ARMH3: variants seen among roughly 807,000 people sequenced by gnomAD.
ARMH3 encodes the protein armadillo like helical domain containing 3.
ARMH3 carries 60 observed loss-of-function variants against 99.1 expected under a neutral mutation model. The ratio of observed to expected loss-of-function variants is 0.61; its 90% CI spans 0.49 to 0.75. ARMH3 has a LOEUF of 0.75. ARMH3 is among the 30% of genes least tolerant of loss of function. The pLI, the probability that ARMH3 is intolerant of heterozygous loss-of-function variation, is 0.00. For synonymous variants in ARMH3, 285 were observed against 292.8 expected (o/e 0.97, Z 0.27); for missense variants, 679 against 843.1 (o/e 0.81, Z 2.41).
chr10:102,008,915 C>G (rs1215556305), intron 13 of ARMH3, among the ~76,000 whole-genome samples: 2 of 152,102 alleles, frequency 1.3e-5, no homozygotes, highest in Non-Finnish European at 2.9e-5. Flanking sequence ...ACCACGTTAT[C>G]TGTTAACAGC....
chr10:101,875,732 C>A (rs1182830906), intron 24 of ARMH3, among the ~76,000 whole-genome samples: 1 of 152,148 alleles, frequency 6.6e-6, no homozygotes, highest in Non-Finnish European at 1.5e-5. Context: ...AGTGAGAGGC[C>A]ATCAGTTGGT....
intron 9 of ARMH3, among the ~76,000 whole-genome samples, chr10:102,013,179 G>T (rs2066670230): frequency 6.6e-6 from 1 of 152,174 alleles, no homozygotes; most frequent in Non-Finnish European, 1.5e-5. Flanking sequence ...TGAAAGAGAA[G>T]ATCCAGTTAG....
At chr10:101,950,949 G>C (rs1844755613) in intron 22 of ARMH3, among the ~76,000 whole-genome samples, 1 of 152,006 alleles carries the variant, frequency 6.6e-6, no homozygotes, top group African/African-American at 2.4e-5. Context: ...TTATAAGGTA[G>C]GTGAATTATA....
chr10:102,053,033 A>C (rs1011629564), intron 1 of ARMH3, among the ~76,000 whole-genome samples: 13 of 152,098 alleles, frequency 8.5e-5, no homozygotes, highest in Non-Finnish European at 1.5e-5. Context: ...TCTTCCTAAG[A>C]AGTTGAATCA....
intron 1 of ARMH3, among the ~76,000 whole-genome samples, chr10:102,048,057 A>G (rs1262662230): frequency 6.6e-6 from 1 of 152,214 alleles, no homozygotes; most frequent in Non-Finnish European, 1.5e-5. Context: ...TCTGATGACC[A>G]TTAAAGTTTG....
intron 15 of ARMH3, among the ~76,000 whole-genome samples, chr10:101,998,682 A>C (rs2066275394): frequency 6.6e-6 from 1 of 152,074 alleles, no homozygotes. Flanking sequence ...TCTCACTCTA[A>C]AAGTCTCCGA....
intron 20 of ARMH3, among the ~76,000 whole-genome samples, chr10:101,960,507 C>T (rs1029245222): frequency 5.9e-5 from 9 of 152,124 alleles, no homozygotes; most frequent in African/African-American, 2.2e-4. Flanking sequence ...AAGAAAACTC[C>T]ATGCCCCATT....
At chr10:102,033,369 T>C (rs756160840) in intron 2 of ARMH3, 30 bp from the exon 3 acceptor site, 3 of 1,604,114 alleles carry the variant, frequency 1.9e-6, no homozygotes, top group Non-Finnish European at 2.6e-6. Context: ...ACATTCAGCC[T>C]TCCCAGCTAA....
chr10:101,869,025 T>C (rs904891834), intron 24 of ARMH3, among the ~76,000 whole-genome samples: 1 of 151,564 alleles, frequency 6.6e-6, no homozygotes, highest in Admixed American at 6.6e-5. Flanking sequence ...TGAGCCAAAA[T>C]TGTGCCACTG....
rs557458879 is a variant in ARMH3, at chr10:101,943,680, T to A, written c.1706-3742A>T. 2.6e-5 allele frequency among the ~76,000 whole-genome samples: 4 copies of A among 151,564 alleles called. No individual in the cohort carries two copies. In the East Asian group the frequency reaches 7.8e-4, roughly 30 times the overall value. ...ATATGAACCATAAGAAACAAAAAAATATACGAAGCATAAGCAGAGGGAAAA... is the reference window on the plus strand; with the variant it reads ...ATATGAACCATAAGAAACAAAAAAAAATACGAAGCATAAGCAGAGGGAAAA... On this transcript the variant is annotated intron_variant, in intron 22 of 25. Transcript: ENST00000370033.
intron 20 of ARMH3, among the ~76,000 whole-genome samples, chr10:101,966,214 T>C (rs1197658459): frequency 6.7e-6 from 1 of 150,054 alleles, no homozygotes; most frequent in Non-Finnish European, 1.5e-5. Flanking sequence ...CAAGCGATTC[T>C]TGTGCCTTAG....
intron 20 of ARMH3, among the ~76,000 whole-genome samples, chr10:101,964,034 G>A (rs759458235): frequency 3.0e-4 from 46 of 151,836 alleles, no homozygotes; most frequent in Admixed American, 2.8e-3. Flanking sequence ...CCGCCACCAC[G>A]CCTGGCTAAT....
At chr10:101,958,106 C>CA (rs1220378720) in intron 20 of ARMH3, among the ~76,000 whole-genome samples, 1 of 152,264 alleles carries the variant, frequency 6.6e-6, no homozygotes, top group Non-Finnish European at 1.5e-5. Flanking sequence ...CTTCCACCCT[C>CA]AGCTGCTAGC....
At chr10:102,023,233 T>C (rs974040886) in intron 8 of ARMH3, among the ~76,000 whole-genome samples, 7 of 151,844 alleles carry the variant, frequency 4.6e-5, no homozygotes, top group East Asian at 1.9e-4. Context: ...TAAGCTGGTA[T>C]GGGAATCACT....
intron 8 of ARMH3, among the ~76,000 whole-genome samples, chr10:102,020,808 A>G (rs992367640): frequency 6.6e-6 from 1 of 150,392 alleles, no homozygotes; most frequent in Non-Finnish European, 1.5e-5. Context: ...AGATCGCACC[A>G]CTGCACTACA....
chr10:101,933,327 A>G (rs1377364443), intron 23 of ARMH3, among the ~76,000 whole-genome samples: 1 of 152,244 alleles, frequency 6.6e-6, no homozygotes, highest in African/African-American at 2.4e-5. Context: ...TGCTAAAGTC[A>G]CACTCATCTA....
intron 22 of ARMH3, 117 bp from the exon 23 acceptor site, chr10:101,940,055 A>G: frequency 1.4e-6 from 1 of 704,866 alleles, no homozygotes; most frequent in South Asian, 2.0e-5. Context: ...GCCTGCGCCA[A>G]TCTTCTGTTA....
intron 2 of ARMH3, among the ~76,000 whole-genome samples, chr10:102,039,314 T>A (rs1407968047): frequency 6.6e-6 from 1 of 152,010 alleles, no homozygotes; most frequent in Non-Finnish European, 1.5e-5. Flanking sequence ...CCGGCTAAGT[T>A]TTGTATTTTT....
intron 20 of ARMH3, among the ~76,000 whole-genome samples, chr10:101,974,286 G>A (rs1422209572): frequency 6.6e-6 from 1 of 152,190 alleles, no homozygotes; most frequent in Non-Finnish European, 1.5e-5. Flanking sequence ...CACAACGAAT[G>A]AGATGAATTC....
Sources: gnomAD v4.1 joint callset for allele counts (sites outside exome capture counted in the v4.1 genomes callset) on GRCh38, gnomAD v4.1.1 for gene constraint, MANE v1.5 for transcripts, NCBI Gene and HGNC (gene_info 2026-07-23, HGNC 2026-07-21) for gene names.